Variants in EIF4G2 observed in about 807,000 individuals in gnomAD.
The protein encoded by EIF4G2 is eukaryotic translation initiation factor 4 gamma 2.
Under a neutral mutation model 117.7 loss-of-function variants are expected in EIF4G2, and 8 were observed. That is an observed-to-expected ratio of 0.07 (90% CI 0.04 to 0.12). The LOEUF is 0.12. EIF4G2 is among the 10% of genes least tolerant of loss of function. The pLI, the probability that EIF4G2 is intolerant of heterozygous loss-of-function variation, is 1.00. For synonymous variants in EIF4G2, 413 were observed against 367.8 expected, an observed-to-expected ratio of 1.12 and a Z score of -1.41; for missense variants, 812 against 1,086.2, an observed-to-expected ratio of 0.75 and a Z score of 3.55.
Position 10,804,131 on chromosome 11 carries a change from T to C in EIF4G2, c.550+6A>G. Reference sequence around the variant, plus strand: ...AGTAGTACTTATTATCAGCTATAAGTCTTACCATCAACATTTCTAGTTCGG... The same window carrying C: ...AGTAGTACTTATTATCAGCTATAAGCCTTACCATCAACATTTCTAGTTCGG... On this transcript the variant is annotated splice_donor_region_variant and intron_variant, in intron 7 of 21. Transcript: ENST00000339995. 2.5e-6 allele frequency: 4 copies of C among 1,614,214 alleles called. No homozygotes were observed. The highest frequency in any genetic ancestry group is 3.4e-6 in the Non-Finnish European group (4 of 1,180,028).
At position 10,802,089 on chromosome 11, in the gene EIF4G2, G is replaced by A. The variant is rs770728564; in HGVS notation, c.1259C>T (p.Ser420Leu). ...CTTGCCTCCCATCTCTCCAAACTGC[G>A]ATTGTGTGGGAGGCATGATGTGTCC... Residue 420 changes from serine to leucine, a missense_variant, in exon 13 of 22, where the codon TCG (serine) becomes TTG (leucine). Physicochemically the swap from Ser to Leu is moderately radical, Grantham distance 145. Around this residue, in one of 4 missense-constraint regions of EIF4G2, gnomAD observed 571 missense variants for 642.3 expected, o/e 0.89. Transcript: ENST00000339995. The A allele has an allele frequency of 1.4e-5, 15 of 1,044,986 alleles. No homozygotes were observed. The African/African-American group carries it at 3.6e-4, about 25-fold the overall frequency. 64.7% of individuals were successfully genotyped at this position (1,044,986 alleles called of 1,614,324 possible). A position where few individuals can be genotyped will look rare whatever the true frequency, so the allele number is the denominator to read the frequency against.
At chr11:10,801,135 G>T in intron 14 of EIF4G2, 48 bp from the exon 15 acceptor site, 3 of 1,608,176 alleles carry the variant, frequency 1.9e-6, no homozygotes, top group South Asian at 2.2e-5. Context: ...TGCAGTTGGC[G>T]AACATATTAA....
intron 18 of EIF4G2, 45 bp from the exon 19 acceptor site, chr11:10,799,801 C>A (rs775933411): frequency 1.9e-6 from 3 of 1,584,884 alleles, no homozygotes; most frequent in Non-Finnish European, 2.6e-6. Context: ...TTCATTTTAC[C>A]AAGTTGTCCT....
rs1408624950 is a variant in EIF4G2, at chr11:10,797,628, T to C, written c.*188A>G. 9.8e-6 allele frequency: 6 copies of C among 610,138 alleles called. No homozygotes were observed. The highest frequency in any genetic ancestry group is 1.7e-5 in the Non-Finnish European group (6 of 344,650). The allele number at this position is 610,138 out of a possible 1,614,324, so 37.8% of individuals were successfully genotyped here. A position where few individuals can be genotyped will look rare whatever the true frequency, so the allele number is the denominator to read the frequency against. ...TTAAAGATACTCCTAAAATATTTGA[T>C]GGTAGACTATGATTAAGACATTACA... On this transcript the variant is annotated 3_prime_UTR_variant, in exon 22 of 22. Coordinates refer to ENST00000339995, the MANE Select transcript of EIF4G2 (RefSeq NM_001418.4). This position sits in a 1 kb window ranked among gnomAD's most constrained non-coding sequence, Gnocchi z 4.5.
rs769015738 is a variant in EIF4G2 at position 10,800,920 on chromosome 11, T to C, written c.1539+42A>G. On this transcript the variant is annotated intron_variant, in intron 15 of 21. Coordinates refer to ENST00000339995, the MANE Select transcript of EIF4G2 (RefSeq NM_001418.4). ...AACACACTAAATTTAGAAAAAAGTCTTCAGATATCTTTAGAAAATGCTGTC... is the reference window on the plus strand; with the variant it reads ...AACACACTAAATTTAGAAAAAAGTCCTCAGATATCTTTAGAAAATGCTGTC... 7.4e-6 allele frequency: 12 copies of C among 1,612,220 alleles called. No individual in the cohort carries two copies. The Admixed American group carries it at 1.7e-4, about 23-fold the overall frequency.
intron 5 of EIF4G2, 92 bp from the exon 6 acceptor site, chr11:10,804,510 T>C (rs1847505623): frequency 6.9e-7 from 1 of 1,455,872 alleles, no homozygotes; most frequent in Non-Finnish European, 9.2e-7. Flanking sequence ...TGTTAGCTAT[T>C]ACAGTCTACC....
intron 11 of EIF4G2, 21 bp from the exon 12 acceptor site, chr11:10,802,456 T>G: frequency 6.5e-7 from 1 of 1,545,454 alleles, no homozygotes; most frequent in Non-Finnish European, 8.7e-7. Context: ...GAAGTGAATA[T>G]GCACTTTTTG....
chr11:10,801,280 T>A, intron 14 of EIF4G2, 193 bp from the exon 15 acceptor site: 1 of 658,334 alleles, frequency 1.5e-6, no homozygotes, highest in South Asian at 2.0e-5. Flanking sequence ...CATACAGTAG[T>A]AAGATACTAT....
chr11:10,798,181 G>A (rs772353964), intron 21 of EIF4G2, among the ~76,000 whole-genome samples: 3 of 152,174 alleles, frequency 2.0e-5, no homozygotes, highest in Non-Finnish European at 4.4e-5. Context: ...CTAGTAGCAT[G>A]AGAAAGAATC....
At position 10,805,982 on chromosome 11, in the gene EIF4G2, C is replaced by T; in HGVS notation, c.173G>A (p.Arg58Gln). 1.2e-6 allele frequency: 2 copies of T among 1,614,210 alleles called. No individual in the cohort carries two copies. Among genetic ancestry groups the T allele is most frequent in the East Asian group, 2.2e-5 (1 of 44,892 alleles). Reference sequence around the variant, plus strand: ...GTTGTTTGCTGCGGAGTTGTCATCTCGTCTAGTGCTTCGTGCAGGAATCCA... The same window carrying T: ...GTTGTTTGCTGCGGAGTTGTCATCTTGTCTAGTGCTTCGTGCAGGAATCCA... The change falls in exon 4 of 22, where the codon CGA (arginine) becomes CAA (glutamine). Residue 58 changes from arginine (R) to glutamine (Q), a missense_variant. Transcript: ENST00000339995.
At chr11:10,798,005 A>G (rs1847306345) in intron 21 of EIF4G2, 124 bp from the exon 22 acceptor site, 3 of 825,290 alleles carry the variant, frequency 3.6e-6, no homozygotes, top group Middle Eastern at 3.4e-4. Flanking sequence ...AACAATTTGT[A>G]TATTAAGTTA....
At chr11:10,806,598 A>G (rs1217330165) in intron 3 of EIF4G2, 1 of 525,462 alleles carries the variant, frequency 1.9e-6, no homozygotes, top group Non-Finnish European at 3.4e-6. Context: ...AAAATAACCC[A>G]AAGAATAAGG....
intron 11 of EIF4G2, 75 bp from the exon 12 acceptor site, chr11:10,802,510 G>C: frequency 6.9e-7 from 1 of 1,446,580 alleles, no homozygotes. Flanking sequence ...CTTGCAACTA[G>C]GGGGGGAAAC....
At chr11:10,802,536 A>G (rs1447987169) in intron 11 of EIF4G2, 101 bp from the exon 12 acceptor site, 2 of 1,384,876 alleles carry the variant, frequency 1.4e-6, no homozygotes, top group South Asian at 1.6e-5. Flanking sequence ...ATATTAAACC[A>G]TAATTTATGT....
Position 10,807,360 on chromosome 11 carries a change from G to T in EIF4G2, c.-65C>A, listed in dbSNP as rs912014417. On this transcript the variant is annotated 5_prime_UTR_variant, in exon 2 of 22. Transcript: ENST00000339995. The stretch of plus-strand genomic sequence containing the variant: ...ATTAATAGATGGGGTGGGGAGGGGA[G>T]GGGACAGGAGAAATGAAATACCTGG... 4 of 1,606,330 alleles carry T rather than the reference G, an allele frequency of 2.5e-6. No individual in the cohort carries two copies. The highest frequency in any genetic ancestry group is 2.5e-6 in the Non-Finnish European group (3 of 1,178,664).
chr11:10,800,930 T>C (rs1847399538), intron 15 of EIF4G2, 32 bp downstream of exon 15: 5 of 1,612,728 alleles, frequency 3.1e-6, no homozygotes, highest in Non-Finnish European at 4.2e-6. Flanking sequence ...TTCAGATATC[T>C]TTAGAAAATG....
intron 3 of EIF4G2, 22 bp downstream of exon 3, chr11:10,806,797 GT>G (rs752533273): frequency 6.2e-7 from 1 of 1,611,506 alleles, no homozygotes; most frequent in South Asian, 1.1e-5. Flanking sequence ...AAAGCTCACT[GT>G]TTTTTTACAT....
Position 10,805,979 on chromosome 11 carries a change from T to C in EIF4G2, c.176A>G (p.Asp59Gly). The C allele has an allele frequency of 6.2e-7, 1 of 1,614,244 alleles. No individual in the cohort carries two copies. The highest frequency in any genetic ancestry group is 8.5e-7 in the Non-Finnish European group (1 of 1,180,036). Residue 59 changes from aspartate (D) to glycine (G), a missense_variant, in exon 4 of 22, where the codon GAT becomes GGT. This residue lies in a region of EIF4G2 where 79 missense variants were observed against 91.5 expected (regional missense o/e 0.86). Transcript: ENST00000339995. ...GGAGTTGTTTGCTGCGGAGTTGTCA[T>C]CTCGTCTAGTGCTTCGTGCAGGAAT...
chr11:10,798,007 A>G (rs968697039), intron 21 of EIF4G2, 126 bp from the exon 22 acceptor site: 6 of 820,656 alleles, frequency 7.3e-6, no homozygotes, highest in Non-Finnish European at 1.2e-5. Flanking sequence ...CAATTTGTAT[A>G]TTAAGTTAAC....
Sources: gnomAD v4.1 joint callset for allele counts (sites outside exome capture counted in the v4.1 genomes callset) on GRCh38, gnomAD v4.1.1 for gene constraint, gnomAD v4.1.1 regional missense constraint, Gnocchi (gnomAD v3.1) non-coding constraint, MANE v1.5 for transcripts, NCBI Gene and HGNC (gene_info 2026-07-23, HGNC 2026-07-21) for gene names.